Variants in PRRC2B observed in about 807,000 individuals in gnomAD.
The protein encoded by PRRC2B is proline rich coiled-coil 2B.
In PRRC2B, 68 loss-of-function variants were observed where a neutral mutation model predicts 242.3. The observed-to-expected ratio is 0.28, with a 90% CI of 0.23 to 0.34. The LOEUF (loss-of-function observed/expected upper bound fraction) is 0.34. Ranked by LOEUF, PRRC2B falls within the 10% of genes least tolerant of loss-of-function variation. The pLI, the probability that PRRC2B is intolerant of heterozygous loss-of-function variation, is 1.00. For missense variants in PRRC2B, 2,835 were observed against 2,954.8 expected, an observed-to-expected ratio of 0.96 and a Z score of 0.94; for synonymous variants, 1,228 against 1,173.6, an observed-to-expected ratio of 1.05 and a Z score of -0.95.
intron 3 of PRRC2B, among the ~76,000 whole-genome samples, chr9:131,433,948 A>G (rs1190767187): frequency 6.6e-6 from 1 of 152,236 alleles, no homozygotes; most frequent in East Asian, 1.9e-4. Flanking sequence ...TAGGGATCAT[A>G]TTGATGGACA....
rs1463583330 is a variant in PRRC2B, at chr9:131,494,123, A to G, written c.6474-282A>G. ...TCTGCACAGCAGGACAGCCATGCCC[A>G]TCTGTACAGGGCCTCAGCCTCCCTC... On this transcript the variant is annotated intron_variant, in intron 30 of 31. Coordinates refer to ENST00000683519, the MANE Select transcript of PRRC2B (RefSeq NM_013318.4). This position sits in a 1 kb window ranked among gnomAD's most constrained non-coding sequence, Gnocchi z 4.3. 1.3e-5 allele frequency among the ~76,000 whole-genome samples: 2 copies of G among 151,884 alleles called. No homozygotes were observed. Among genetic ancestry groups the G allele is most frequent in the Non-Finnish European group, 2.9e-5 (2 of 67,948 alleles).
At chr9:131,483,248 G>A in intron 22 of PRRC2B, 111 bp from the exon 23 acceptor site, 1 of 1,021,312 alleles carries the variant, frequency 9.8e-7, no homozygotes, top group Non-Finnish European at 1.5e-6. Context: ...AGTGAATGCT[G>A]CTCAGTGGAG....
At chr9:131,424,882 G>C (rs956746706) in intron 1 of PRRC2B, among the ~76,000 whole-genome samples, 5 of 152,182 alleles carry the variant, frequency 3.3e-5, no homozygotes, top group Non-Finnish European at 7.3e-5. Context: ...TTTACTGGGA[G>C]GACATAGTTC....
At chr9:131,469,878 A>G (rs1943492517) in intron 13 of PRRC2B, among the ~76,000 whole-genome samples, 2 of 152,170 alleles carry the variant, frequency 1.3e-5, no homozygotes, top group South Asian at 2.1e-4. Context: ...GCAAGGGTGC[A>G]CAGGGAGTCT....
At chr9:131,422,148 G>A (rs1008004627) in intron 1 of PRRC2B, among the ~76,000 whole-genome samples, 6 of 151,986 alleles carry the variant, frequency 3.9e-5, no homozygotes, top group African/African-American at 4.8e-5. Flanking sequence ...TCTGCCTCCC[G>A]GGTTCAAGCG....
At chr9:131,374,118 A>G (rs1364610635) in intron 1 of PRRC2B, among the ~76,000 whole-genome samples, 2 of 151,958 alleles carry the variant, frequency 1.3e-5, no homozygotes, top group Non-Finnish European at 2.9e-5. Flanking sequence ...GAGGTAATGG[A>G]TATTTCAGTC....
intron 3 of PRRC2B, among the ~76,000 whole-genome samples, chr9:131,434,919 A>G (rs1342542698): frequency 6.6e-6 from 1 of 152,162 alleles, no homozygotes; most frequent in Non-Finnish European, 1.5e-5. Context: ...TTAAACTTCA[A>G]AATATCTTTT....
In PRRC2B at chr9:131,436,824, G is replaced by A. The variant is rs530133999; in HGVS notation, c.396+102G>A. The A allele has an allele frequency of 1.1e-4, 101 of 916,718 alleles. 3 individuals carry two copies. The highest frequency in any genetic ancestry group is 6.6e-4 in the Middle Eastern group (3 of 4,518). The allele number at this position is 916,718 out of a possible 1,614,324, so 56.8% of individuals were successfully genotyped here. On this transcript the variant is annotated intron_variant, in intron 4 of 31. Coordinates refer to ENST00000683519, the MANE Select transcript of PRRC2B (RefSeq NM_013318.4). ...GGAGTTGCTACTGAGAAGTGTGGTT[G>A]TGCATGACCTGTCTATTCCAGAGGC...
chr9:131,464,545 G>A (rs1369167212), intron 11 of PRRC2B, among the ~76,000 whole-genome samples: 1 of 152,208 alleles, frequency 6.6e-6, no homozygotes, highest in Non-Finnish European at 1.5e-5. Flanking sequence ...TAAAAACAAG[G>A]AAGTGAGATA....
intron 28 of PRRC2B, chr9:131,491,157 C>T: frequency 2.4e-6 from 1 of 425,048 alleles, no homozygotes; most frequent in South Asian, 4.3e-5. Context: ...TGTTAGTTCC[C>T]ATGCCTGCAG....
At chr9:131,409,297 C>T (rs1837447034) in intron 1 of PRRC2B, among the ~76,000 whole-genome samples, 1 of 151,886 alleles carries the variant, frequency 6.6e-6, no homozygotes, top group African/African-American at 2.4e-5. Flanking sequence ...GCTGGGATTA[C>T]AGACGTGAGC....
rs1943677668 is a variant in PRRC2B at position 131,475,827 on chromosome 9, G to A, written c.3698G>A (p.Gly1233Asp). The A allele has an allele frequency of 6.2e-7, 1 of 1,612,824 alleles. No homozygotes were observed. Among genetic ancestry groups the A allele is most frequent in the Non-Finnish European group, 8.5e-7 (1 of 1,178,936 alleles). Residue 1233 changes from glycine to aspartate, a missense_variant, in exon 16 of 32, where the codon GGC becomes GAC. Gly to Asp is a moderately conservative substitution (Grantham distance 94). Coordinates refer to ENST00000683519, the MANE Select transcript of PRRC2B (RefSeq NM_013318.4). Reference protein sequence around the residue: ...ESPHWQSKSPGSSWQEYGPSD... With the variant: ...ESPHWQSKSPDSSWQEYGPSD... ...CCCCACTGGCAGAGCAAAAGTCCAG[G>A]CAGCTCTTGGCAGGAATATGGCCCT...
rs1837515252 is a variant in PRRC2B at position 131,411,790 on chromosome 9, C to T, written c.-52+17527C>T. On this transcript the variant is annotated intron_variant, in intron 1 of 31. Coordinates refer to ENST00000683519, the MANE Select transcript of PRRC2B (RefSeq NM_013318.4). ...ATGTCTTGTTTTATTGCACTGTTGTCAGTTTTACTTTACAGAATTTGGGAT... is the reference window on the plus strand; with the variant it reads ...ATGTCTTGTTTTATTGCACTGTTGTTAGTTTTACTTTACAGAATTTGGGAT... Among the ~76,000 whole-genome samples the T allele has an allele frequency of 2.0e-5, 3 of 151,908 alleles. No homozygotes were observed. In the South Asian group the frequency reaches 6.2e-4, roughly 32 times the overall value.
At chr9:131,470,335 A>G (rs1036153736) in intron 13 of PRRC2B, among the ~76,000 whole-genome samples, 1 of 152,144 alleles carries the variant, frequency 6.6e-6, no homozygotes, top group Non-Finnish European at 1.5e-5. Flanking sequence ...TGTCTGTGTG[A>G]AAAGATCATC....
chr9:131,389,728 A>G (rs1295988744), upstream of PRRC2B, among the ~76,000 whole-genome samples: 1 of 149,586 alleles, frequency 6.7e-6, no homozygotes, highest in Non-Finnish European at 1.5e-5. Context: ...CCAGGCATCC[A>G]CTTTTCAACC....
chr9:131,419,620 G>A (rs1227554330), intron 1 of PRRC2B, among the ~76,000 whole-genome samples: 1 of 152,178 alleles, frequency 6.6e-6, no homozygotes, highest in Non-Finnish European at 1.5e-5. Context: ...TGCCTGCTGA[G>A]GACAAGTGCT....
At chr9:131,409,176 C>T (rs180775173) in intron 1 of PRRC2B, among the ~76,000 whole-genome samples, 26 of 152,168 alleles carry the variant, frequency 1.7e-4, no homozygotes, top group African/African-American at 5.8e-4. Flanking sequence ...GCATGTGCCA[C>T]GACGCCCGGC....
chr9:131,492,122 G>A (rs768088223), intron 29 of PRRC2B, 47 bp from the exon 30 acceptor site: 1 of 1,460,642 alleles, frequency 6.8e-7, no homozygotes, highest in South Asian at 1.1e-5. Flanking sequence ...TGGTCCAGCT[G>A]TCTCCAGGGC....
chr9:131,404,497 C>T (rs144586849), intron 1 of PRRC2B, among the ~76,000 whole-genome samples: 1 of 152,126 alleles, frequency 6.6e-6, no homozygotes, highest in Non-Finnish European at 1.5e-5. Flanking sequence ...GCTGGGATTA[C>T]AGGCGTGAGC....
Sources: gnomAD v4.1 joint callset for allele counts (sites outside exome capture counted in the v4.1 genomes callset) on GRCh38, gnomAD v4.1.1 for gene constraint, Gnocchi (gnomAD v3.1) non-coding constraint, MANE v1.5 for transcripts, NCBI Gene and HGNC (gene_info 2026-07-23, HGNC 2026-07-21) for gene names.